Variants in ADAMTS9 observed in about 807,000 individuals in gnomAD.
ADAMTS9 encodes the protein ADAM metallopeptidase with thrombospondin type 1 motif 9.
A neutral mutation model predicts 257.1 loss-of-function variants in ADAMTS9; 107 were observed. That is an observed-to-expected ratio of 0.42 (90% CI 0.36 to 0.49). The LOEUF (loss-of-function observed/expected upper bound fraction) is 0.49, where lower values mean the gene tolerates loss of function less well. ADAMTS9 is among the 20% of genes least tolerant of loss of function. ADAMTS9 has a pLI of 0.03. For missense variants in ADAMTS9, 2,353 were observed against 2,469.1 expected (o/e 0.95, Z 1.00); for synonymous variants, 982 against 880.9 (o/e 1.11, Z -2.03).
intron 16 of ADAMTS9, among the ~76,000 whole-genome samples, chr3:64,628,169 T>C (rs1412382957): frequency 6.6e-6 from 1 of 152,178 alleles, no homozygotes; most frequent in Non-Finnish European, 1.5e-5. Flanking sequence ...TGGCTCAGAT[T>C]GCCTGTGCCA....
intron 37 of ADAMTS9, among the ~76,000 whole-genome samples, chr3:64,534,317 C>T (rs2083019565): frequency 6.6e-6 from 1 of 152,202 alleles, no homozygotes; most frequent in Admixed American, 6.5e-5. Context: ...AAACTCTCTT[C>T]CCTCTGAGCA....
At chr3:64,592,903 A>G (rs748141581) in intron 28 of ADAMTS9, 12 of 152,134 alleles carry the variant, frequency 7.9e-5, no homozygotes, top group Non-Finnish European at 1.8e-4. Context: ...TGAGCTTAAG[A>G]GGGAATTTCA....
intron 28 of ADAMTS9, among the ~76,000 whole-genome samples, chr3:64,584,735 TCAC>T (rs1310729617): frequency 6.6e-6 from 1 of 152,100 alleles, no homozygotes; most frequent in Non-Finnish European, 1.5e-5. Flanking sequence ...TGCCAACATT[TCAC>T]CACATTTGCT....
intron 19 of ADAMTS9, among the ~76,000 whole-genome samples, chr3:64,619,146 ACC>A (rs1167016681): frequency 2.6e-5 from 4 of 152,162 alleles, no homozygotes; most frequent in Admixed American, 6.5e-5. Flanking sequence ...GTATAAATCC[ACC>A]ATCTGTGCGA....
At chr3:64,632,358 C>T (rs1393370179) in intron 14 of ADAMTS9, among the ~76,000 whole-genome samples, 1 of 152,222 alleles carries the variant, frequency 6.6e-6, no homozygotes, top group Non-Finnish European at 1.5e-5. Context: ...GGAGTAGCTG[C>T]TGTCCACTCC....
At chr3:64,670,632 T>A (rs763189478) in intron 3 of ADAMTS9, among the ~76,000 whole-genome samples, 5 of 152,144 alleles carry the variant, frequency 3.3e-5, no homozygotes, top group Non-Finnish European at 5.9e-5. Context: ...GACAAAGGAC[T>A]TATATACAGA....
At position 64,622,591 on chromosome 3, in the gene ADAMTS9, A is replaced by C; in HGVS notation, c.2390-5T>G. 3.7e-6 allele frequency: 6 copies of C among 1,613,680 alleles called. No homozygotes were observed. The highest frequency in any genetic ancestry group is 5.1e-6 in the Non-Finnish European group (6 of 1,179,872). ...CACCTTTACTGCTTGATAAAGCTGTAGGTGAAGAAACAGAATAATACATTG... is the reference window on the plus strand; with the variant it reads ...CACCTTTACTGCTTGATAAAGCTGTCGGTGAAGAAACAGAATAATACATTG... On this transcript the variant is annotated splice_polypyrimidine_tract_variant and splice_region_variant and intron_variant, in intron 16 of 39. Transcript: ENST00000498707.
chr3:64,539,100 G>C (rs937874875), intron 37 of ADAMTS9, 103 bp downstream of exon 37: 7 of 1,205,520 alleles, frequency 5.8e-6, no homozygotes, highest in Non-Finnish European at 8.5e-6. Context: ...GCCCTCTAGA[G>C]CAACTGTTCT....
intron 28 of ADAMTS9, among the ~76,000 whole-genome samples, chr3:64,586,221 G>A (rs1189887959): frequency 2.0e-5 from 3 of 152,044 alleles, no homozygotes; most frequent in African/African-American, 2.4e-5. Flanking sequence ...ACAAACGTGG[G>A]TGAATTGTTT....
At chr3:64,517,832 G>A (rs1473286258) in intron 39 of ADAMTS9, among the ~76,000 whole-genome samples, 1 of 152,048 alleles carries the variant, frequency 6.6e-6, no homozygotes, top group Non-Finnish European at 1.5e-5. Flanking sequence ...GTGGATACCT[G>A]CTGATTTTTC....
intron 22 of ADAMTS9, among the ~76,000 whole-genome samples, chr3:64,612,338 C>T (rs1054633129): frequency 1.3e-5 from 2 of 152,156 alleles, no homozygotes; most frequent in African/African-American, 2.4e-5. Flanking sequence ...TTCTCCTCCT[C>T]TTATTATTCC....
intron 27 of ADAMTS9, among the ~76,000 whole-genome samples, chr3:64,595,049 C>G (rs1040566858): frequency 6.6e-6 from 1 of 151,160 alleles, no homozygotes; most frequent in Non-Finnish European, 1.5e-5. Context: ...GGCCTCCCAA[C>G]AAAGATTCTT....
chr3:64,626,061 C>A (rs551750050), intron 16 of ADAMTS9, among the ~76,000 whole-genome samples: 1 of 152,274 alleles, frequency 6.6e-6, no homozygotes, highest in African/African-American at 2.4e-5. Flanking sequence ...ATTACTTAAC[C>A]TCTCCAAGCC....
At chr3:64,662,347 T>A (rs907227784) in intron 3 of ADAMTS9, among the ~76,000 whole-genome samples, 1 of 152,146 alleles carries the variant, frequency 6.6e-6, no homozygotes, top group East Asian at 1.9e-4. Context: ...TGCTGGAGAA[T>A]GTTTCATGTT....
intron 28 of ADAMTS9, chr3:64,592,422 T>C (rs1187004656): frequency 6.6e-6 from 1 of 152,224 alleles, no homozygotes; most frequent in Non-Finnish European, 1.5e-5. Context: ...ATAAACCTTA[T>C]GTTTTCAGTT....
In ADAMTS9 at chr3:64,596,935, T is replaced by A. The variant is rs762361857; in HGVS notation, c.4074A>T (p.Glu1358Asp). 13 of 1,613,916 alleles carry A rather than the reference T, an allele frequency of 8.1e-6. No homozygotes were observed. The African/African-American group carries it at 1.6e-4, about 20-fold the overall frequency. The change falls in exon 27 of 40, where the codon GAA (glutamate) becomes GAT (aspartate). Residue 1358 changes from glutamate to aspartate, a missense_variant. By Grantham distance (45) the Glu-to-Asp change is conservative (BLOSUM62 2). This residue lies in a region of ADAMTS9 where 1,402 missense variants were observed against 1,441.4 expected (regional missense o/e 0.97). Transcript: ENST00000498707. ...SQRRVVVCQD[E>D]NGYTANDCVE... ...CACAGTCGTTTGCGGTGTATCCATT[T>A]TCATCCTGACATACAACAACACGCC...
At chr3:64,559,025 T>G (rs1171320549) in intron 30 of ADAMTS9, among the ~76,000 whole-genome samples, 1 of 152,036 alleles carries the variant, frequency 6.6e-6, no homozygotes, top group African/African-American at 2.4e-5. Context: ...GGCTGTGATT[T>G]AGGGGAGCCT....
intron 2 of ADAMTS9, among the ~76,000 whole-genome samples, chr3:64,685,596 G>A (rs1257162740): frequency 6.6e-6 from 1 of 152,186 alleles, no homozygotes; most frequent in Non-Finnish European, 1.5e-5. Context: ...AGAAGTGGGG[G>A]GCAGATGCCT....
chr3:64,663,645 C>A (rs1701278376), intron 3 of ADAMTS9, among the ~76,000 whole-genome samples: 1 of 152,044 alleles, frequency 6.6e-6, no homozygotes, highest in African/African-American at 2.4e-5. Flanking sequence ...TTTCTACCAG[C>A]AAACAACTCA....
Sources: gnomAD v4.1 joint callset for allele counts (sites outside exome capture counted in the v4.1 genomes callset) on GRCh38, gnomAD v4.1.1 for gene constraint, gnomAD v4.1.1 regional missense constraint, MANE v1.5 for transcripts, NCBI Gene and HGNC (gene_info 2026-07-23, HGNC 2026-07-21) for gene names.